The following FSIP1 variants were observed in gnomAD, a reference collection of about 807,000 sequenced individuals.
FSIP1 encodes the protein fibrous sheath-interacting protein 1.
In FSIP1, 65 loss-of-function variants were observed where a neutral mutation model predicts 60.9. The observed-to-expected ratio is 1.07, with a 90% confidence interval of 0.87 to 1.31. FSIP1 has a LOEUF of 1.31. FSIP1 is among the 40% of genes most tolerant of loss of function. The pLI, the probability that FSIP1 is intolerant of heterozygous loss-of-function variation, is 0.00. For missense variants in FSIP1, 675 were observed against 665.5 expected (o/e 1.01, Z -0.16); for synonymous variants, 209 against 221.2 (o/e 0.94, Z 0.49).
intron 2 of FSIP1, among the ~76,000 whole-genome samples, chr15:39,774,532 C>A (rs1897991014): frequency 6.6e-6 from 1 of 151,454 alleles, no homozygotes; most frequent in African/African-American, 2.4e-5. Context: ...TAAGACAGTC[C>A]TGAAAACAAA....
At chr15:39,724,624 G>C (rs1372260458) in intron 9 of FSIP1, among the ~76,000 whole-genome samples, 2 of 152,174 alleles carry the variant, frequency 1.3e-5, no homozygotes, top group African/African-American at 4.8e-5. Context: ...TTTAAGAAGA[G>C]AAGGAAATAA....
Position 39,604,735 on chromosome 15 carries a change from A to G in FSIP1, c.1700-3809T>C, listed in dbSNP as rs143863486. ...AGCAACGTGTAGCCTTGGAAAAGTA[A>G]TTTAACAAATAGTAACTATGAGGTC... On this transcript the variant is annotated intron_variant, in intron 11 of 11. Transcript: ENST00000350221. 2.6e-4 allele frequency among the ~76,000 whole-genome samples: 40 copies of G among 152,332 alleles called. 2 individuals carry two copies. The East Asian group carries it at 7.7e-3, about 29-fold the overall frequency.
chr15:39,697,861 A>T (rs1894883205), intron 10 of FSIP1, among the ~76,000 whole-genome samples: 1 of 152,052 alleles, frequency 6.6e-6, no homozygotes, highest in African/African-American at 2.4e-5. Flanking sequence ...CCCATGTCAG[A>T]CTCACTTTAA....
intron 1 of FSIP1, among the ~76,000 whole-genome samples, chr15:39,781,288 G>T (rs1203522060): frequency 6.6e-6 from 1 of 152,120 alleles, no homozygotes; most frequent in Non-Finnish European, 1.5e-5. Flanking sequence ...CTATTCAAAT[G>T]ACAAAAATTA....
At chr15:39,724,377 A>G (rs1012849626) in intron 9 of FSIP1, among the ~76,000 whole-genome samples, 1 of 151,206 alleles carries the variant, frequency 6.6e-6, no homozygotes, top group African/African-American at 2.4e-5. Context: ...TCAGCCTCCC[A>G]AGTAGCTGGG....
chr15:39,710,441 G>GAAAAAAA (rs397945950), intron 10 of FSIP1, among the ~76,000 whole-genome samples: 80 of 73,702 alleles, frequency 1.1e-3, no homozygotes, highest in East Asian at 1.7e-3. Context: ...CTCTGTCTCA[G>GAAAAAAA]AAAAAAAAAA....
chr15:39,657,733 G>C (rs1893126136), intron 10 of FSIP1, among the ~76,000 whole-genome samples: 1 of 151,910 alleles, frequency 6.6e-6, no homozygotes, highest in Admixed American at 6.6e-5. Flanking sequence ...TATCCTGGAG[G>C]ACATAAAAAT....
chr15:39,603,638 G>C (rs559058242), intron 11 of FSIP1, among the ~76,000 whole-genome samples: 1 of 152,358 alleles, frequency 6.6e-6, no homozygotes, highest in South Asian at 2.1e-4. Flanking sequence ...CTTGCTCTAA[G>C]AGGAAGGTTG....
intron 3 of FSIP1, among the ~76,000 whole-genome samples, chr15:39,770,072 G>T (rs997770816): frequency 1.3e-5 from 2 of 151,934 alleles, no homozygotes; most frequent in Admixed American, 6.6e-5. Context: ...AATGTTATTG[G>T]GTGGGACTAT....
In FSIP1 at chr15:39,677,994, C is replaced by CA. The variant is rs113315024; in HGVS notation, c.1188+35449dup. 4.7e-3 allele frequency among the ~76,000 whole-genome samples: 469 copies of CA among 100,834 alleles called. 7 individuals carry two copies. The highest frequency in any genetic ancestry group is 0.037 in the East Asian group (133 of 3,594). 66.2% of individuals were successfully genotyped at this position (100,834 alleles called of 152,430 possible). ...CTAGTGACAGAGCGAGAATTCGTCT[C>CA]AAAAAAAAAAAAAAGTCTGTTTACG... On this transcript the variant is annotated intron_variant, in intron 10 of 11. Transcript: ENST00000350221.
intron 1 of FSIP1, among the ~76,000 whole-genome samples, chr15:39,780,148 T>C (rs1316375310): frequency 6.6e-6 from 1 of 152,194 alleles, no homozygotes; most frequent in East Asian, 1.9e-4. Flanking sequence ...AAACCTTCTA[T>C]CTTTTATACC....
intron 3 of FSIP1, among the ~76,000 whole-genome samples, chr15:39,769,312 G>A (rs750718409): frequency 2.6e-5 from 4 of 151,892 alleles, no homozygotes; most frequent in Non-Finnish European, 5.9e-5. Context: ...CTAAGTACTG[G>A]AAAGCTATCA....
At chr15:39,750,516 C>T (rs538665462) in intron 5 of FSIP1, among the ~76,000 whole-genome samples, 1 of 151,740 alleles carries the variant, frequency 6.6e-6, no homozygotes, top group African/African-American at 2.4e-5. Context: ...TTAACAAGGG[C>T]CCAAGAAGAC....
chr15:39,743,507 C>T (rs575906845), intron 5 of FSIP1, among the ~76,000 whole-genome samples: 4 of 152,020 alleles, frequency 2.6e-5, no homozygotes, highest in South Asian at 4.1e-4. Flanking sequence ...AAACAATTAA[C>T]GTAGAAGAAA....
intron 5 of FSIP1, among the ~76,000 whole-genome samples, chr15:39,744,789 AC>A (rs1896936454): frequency 6.6e-6 from 1 of 150,854 alleles, no homozygotes; most frequent in African/African-American, 2.4e-5. Flanking sequence ...ACACACACAC[AC>A]ACACACACAC....
chr15:39,605,818 T>C (rs1890803491), intron 11 of FSIP1, among the ~76,000 whole-genome samples: 1 of 152,254 alleles, frequency 6.6e-6, no homozygotes, highest in Non-Finnish European at 1.5e-5. Flanking sequence ...ATCATTTTAT[T>C]TGAATGTTCT....
chr15:39,714,807 A>T (rs1400935361), intron 9 of FSIP1, among the ~76,000 whole-genome samples: 2 of 150,066 alleles, frequency 1.3e-5, no homozygotes, highest in African/African-American at 5.0e-5. Context: ...CATATCTACA[A>T]AATAAAAAAT....
chr15:39,640,520 T>G (rs1044155649), intron 10 of FSIP1, among the ~76,000 whole-genome samples: 6 of 152,030 alleles, frequency 3.9e-5, no homozygotes, highest in Admixed American at 3.9e-4. Context: ...TTCCCAGAGG[T>G]TCTGAGTGCC....
intron 10 of FSIP1, among the ~76,000 whole-genome samples, chr15:39,668,742 C>A: frequency 6.6e-6 from 1 of 152,286 alleles, no homozygotes; most frequent in South Asian, 2.1e-4. Context: ...CCTTTCCTTG[C>A]TTGCTTACCA....
Sources: gnomAD v4.1 joint callset for allele counts (sites outside exome capture counted in the v4.1 genomes callset) on GRCh38, gnomAD v4.1.1 for gene constraint, MANE v1.5 for transcripts, NCBI Gene and HGNC (gene_info 2026-07-23, HGNC 2026-07-21) for gene names.